The following PCDH15 variants were observed in gnomAD, a reference collection of about 807,000 sequenced individuals.
PCDH15 encodes the protein protocadherin-15.
In PCDH15, 129 loss-of-function variants were observed where a neutral mutation model predicts 178.5. The ratio of observed to expected loss-of-function variants is 0.72; its 90% confidence interval spans 0.63 to 0.84. The LOEUF is 0.84. Among genes scored for constraint, PCDH15 ranks in the 40% least tolerant of loss-of-function variants. The pLI, the probability that PCDH15 is intolerant of heterozygous loss-of-function variation, is 0.00. For synonymous variants in PCDH15, 800 were observed against 732.0 expected (o/e 1.09, Z -1.50); for missense variants, 2,230 against 2,099.9 (o/e 1.06, Z -1.21).
chr10:55,173,307 T>TTGTGTGTG (rs778106530), intron 1 of PCDH15, among the ~76,000 whole-genome samples: 5 of 64,160 alleles, frequency 7.8e-5, no homozygotes, highest in East Asian at 5.7e-4. Context: ...ATTAGAAAGA[T>TTGTGTGTG]TATGTGTGTG....
intron 5 of PCDH15, among the ~76,000 whole-genome samples, chr10:54,361,653 A>G (rs1946071470): frequency 6.6e-6 from 1 of 152,054 alleles, no homozygotes; most frequent in African/African-American, 2.4e-5. Context: ...TGTGTGACTC[A>G]ATAGATTATT....
At position 54,622,970 on chromosome 10, in the gene PCDH15, C is replaced by T. The variant is rs923427544; in HGVS notation, c.91+41202G>A. Among the ~76,000 whole-genome samples the T allele has an allele frequency of 8.6e-5, 13 of 150,566 alleles. No individual in the cohort carries two copies. The East Asian group carries it at 9.9e-4, about 11-fold the overall frequency. Reference sequence around the variant, plus strand: ...GCACCTTGCCTACTAATGTCAGATACGTTTTCTTCAAATGTCACACTTCAG... The same window carrying T: ...GCACCTTGCCTACTAATGTCAGATATGTTTTCTTCAAATGTCACACTTCAG... On this transcript the variant is annotated intron_variant, in intron 2 of 37. Transcript: ENST00000644397.
At chr10:54,341,903 G>T (rs540483034) in intron 6 of PCDH15, among the ~76,000 whole-genome samples, 1 of 152,294 alleles carries the variant, frequency 6.6e-6, no homozygotes, top group Admixed American at 6.5e-5. Flanking sequence ...ATGATTTAGG[G>T]TATCTGGCAG....
rs530600208 is a variant in PCDH15 at position 54,786,633 on chromosome 10, C to T, written c.-29+14292G>A. 1.2e-3 allele frequency among the ~76,000 whole-genome samples: 175 copies of T among 151,896 alleles called. 2 individuals are homozygous for T. In the Middle Eastern group the frequency reaches 0.017, roughly 15 times the overall value. On this transcript the variant is annotated intron_variant, in intron 1 of 37. Coordinates refer to ENST00000644397, the MANE Select transcript of PCDH15 (RefSeq NM_001384140.1). ...TGGGAATATAGTCATAAGAAAGATA[C>T]GTTTTTATTAAAGCAGAATTTTAAA...
chr10:54,313,645 C>T (rs857377), intron 8 of PCDH15, among the ~76,000 whole-genome samples: 2,169 of 150,476 alleles, frequency 0.014, 46 homozygotes, highest in African/African-American at 0.045. Context: ...CTTAAACTGT[C>T]TACCAGAAAC....
chr10:54,390,015 A>G (rs1440238526), intron 3 of PCDH15, among the ~76,000 whole-genome samples: 2 of 152,160 alleles, frequency 1.3e-5, no homozygotes, highest in African/African-American at 4.8e-5. Flanking sequence ...TTGTTTTATA[A>G]TGTGCTGTAA....
chr10:55,109,683 G>A (rs1837448709), intron 2 of PCDH15, among the ~76,000 whole-genome samples: 1 of 151,880 alleles, frequency 6.6e-6, no homozygotes, highest in African/African-American at 2.4e-5. Flanking sequence ...TTTTCCTTCT[G>A]CTTCCTATGT....
At chr10:54,299,798 C>A (rs113405222) in intron 8 of PCDH15, among the ~76,000 whole-genome samples, 1 of 152,052 alleles carries the variant, frequency 6.6e-6, no homozygotes, top group Non-Finnish European at 1.5e-5. Flanking sequence ...CTCAAACGTG[C>A]GAGTTGTTTG....
At chr10:55,234,215 C>G (rs2246940) in intron 1 of PCDH15, among the ~76,000 whole-genome samples, 107,375 of 151,836 alleles carry the variant, frequency 0.71, 38,202 homozygotes, top group Admixed American at 0.77. Flanking sequence ...ATTCCACAAT[C>G]TAGAACTTGT....
intron 2 of PCDH15, chr10:55,597,196 T>A (rs1336580125): frequency 1.3e-5 from 2 of 152,088 alleles, no homozygotes; most frequent in Non-Finnish European, 2.9e-5. Context: ...AACCATAAGG[T>A]GCTAATTCAT....
chr10:53,976,332 A>G (rs2090179087), intron 21 of PCDH15, among the ~76,000 whole-genome samples: 1 of 152,136 alleles, frequency 6.6e-6, no homozygotes, highest in Non-Finnish European at 1.5e-5. Context: ...GAAATTACTG[A>G]GTTGTGAGAG....
At chr10:55,497,716 T>C (rs889789549) in intron 2 of PCDH15, among the ~76,000 whole-genome samples, 1 of 152,026 alleles carries the variant, frequency 6.6e-6, no homozygotes, top group East Asian at 2.0e-4. Context: ...AAGACTTAGT[T>C]TGAGTGTTCT....
intron 3 of PCDH15, among the ~76,000 whole-genome samples, chr10:54,406,133 G>A (rs902901308): frequency 1.1e-4 from 16 of 152,170 alleles, no homozygotes; most frequent in African/African-American, 3.6e-4. Flanking sequence ...TGGGCTTATA[G>A]TATTAACAAT....
intron 27 of PCDH15, 120 bp downstream of exon 27, chr10:53,866,522 A>G (rs1419863712): frequency 4.2e-6 from 3 of 706,140 alleles, no homozygotes; most frequent in Non-Finnish European, 7.6e-6. Flanking sequence ...CTGAGTGAAA[A>G]TAATAATTAT....
chr10:53,985,635 C>A, intron 21 of PCDH15, among the ~76,000 whole-genome samples: 1 of 152,064 alleles, frequency 6.6e-6, no homozygotes, highest in Non-Finnish European at 1.5e-5. Flanking sequence ...ATTATAAACA[C>A]ACCCCGAGAA....
intron 8 of PCDH15, among the ~76,000 whole-genome samples, chr10:54,311,796 A>G (rs1394806285): frequency 6.6e-6 from 1 of 152,210 alleles, no homozygotes. Flanking sequence ...CGTGTAATCT[A>G]CATTTATAAA....
chr10:54,275,385 C>T (rs1421133922), intron 8 of PCDH15, among the ~76,000 whole-genome samples: 1 of 151,762 alleles, frequency 6.6e-6, no homozygotes, highest in Admixed American at 6.6e-5. Context: ...ACAGAGAGCA[C>T]TTGACTTGCC....
At chr10:55,220,949 T>A (rs1208822744) in intron 1 of PCDH15, among the ~76,000 whole-genome samples, 1 of 152,060 alleles carries the variant, frequency 6.6e-6, no homozygotes, top group Non-Finnish European at 1.5e-5. Flanking sequence ...ATAAATTCCA[T>A]CTGGTACGTT....
Position 53,821,776 on chromosome 10 carries a change from T to G in PCDH15, c.4368-1546A>C, listed in dbSNP as rs1271667383. On this transcript the variant is annotated intron_variant, in intron 32 of 37. Coordinates refer to ENST00000644397, the MANE Select transcript of PCDH15 (RefSeq NM_001384140.1). ...GAATTTGGGGTAAAATAATAGAGTC[T>G]TCTTTGACGTTCAAATTTGATGTTC... 1.1e-5 allele frequency: 18 copies of G among 1,588,728 alleles called. No homozygotes were observed. In the Admixed American group the frequency reaches 3.2e-4, roughly 28 times the overall value.
Sources: gnomAD v4.1 joint callset for allele counts (sites outside exome capture counted in the v4.1 genomes callset) on GRCh38, gnomAD v4.1.1 for gene constraint, MANE v1.5 for transcripts, NCBI Gene and HGNC (gene_info 2026-07-23, HGNC 2026-07-21) for gene names.